Variants in TTN observed in about 807,000 individuals in gnomAD.
The protein encoded by TTN is connectin.
Under a neutral mutation model 3,223.0 loss-of-function variants are expected in TTN, and 1,525 were observed. The observed-to-expected ratio is 0.47, with a 90% CI of 0.45 to 0.49. The LOEUF is 0.49. Among genes scored for constraint, TTN ranks in the 20% least tolerant of loss-of-function variants. The pLI is 0.00. For missense variants in TTN, 40,786 were observed against 43,424.0 expected, an observed-to-expected ratio of 0.94 and a Z score of 5.40; for synonymous variants, 14,094 against 15,161.0, an observed-to-expected ratio of 0.93 and a Z score of 5.17.
chr2:178,622,813 TTACTC>T, intron 242 of TTN, 46 bp from the exon 243 acceptor site: 1 of 1,414,438 alleles, frequency 7.1e-7, no homozygotes, highest in South Asian at 1.2e-5. Context: ...TTCTGGAAAT[TTACTC>T]TGACATTACC....
Position 178,750,888 on chromosome 2 carries a change from G to A in TTN, c.11311+2236C>T, listed in dbSNP as rs756000739. 3.1e-6 allele frequency: 5 copies of A among 1,612,842 alleles called. No homozygotes were observed. The highest frequency in any genetic ancestry group is 1.7e-4 in the Middle Eastern group (1 of 6,054). The stretch of plus-strand genomic sequence containing the variant: ...GTATTGGCCATAATTTCTTCCAGCT[G>A]TCCTCTTGCTTGGGTATTTTCATTT... On this transcript the variant is annotated intron_variant, in intron 47 of 362. Coordinates refer to ENST00000589042, the MANE Select transcript of TTN (RefSeq NM_001267550.2).
In TTN at chr2:178,693,678, G is replaced by A; in HGVS notation, c.31525C>T (p.Gln10509Ter). 1 of 1,596,792 alleles carries A rather than the reference G, an allele frequency of 6.3e-7. No homozygotes were observed. The highest frequency in any genetic ancestry group is 1.1e-5 in the South Asian group (1 of 88,338). The change falls in exon 119 of 363, where the codon CAA becomes TAA. Residue 10509 changes from glutamine (Q) to a stop codon, truncating the protein, a stop_gained. Coordinates refer to ENST00000589042, the MANE Select transcript of TTN (RefSeq NM_001267550.2). LOFTEE classifies it high-confidence loss of function. The part of the protein sequence containing the change: ...EEVSVTVPEV[Q>*]KEIVTEEKIH... ...TTCTCTTCAGTAACAATTTCCTTTT[G>A]TACCTCGGGGACTTAAAAAAATGTA...
chr2:178,647,747 C>G (rs2062245411), intron 213 of TTN, among the ~76,000 whole-genome samples: 1 of 152,128 alleles, frequency 6.6e-6, no homozygotes, highest in Admixed American at 6.6e-5. Context: ...CCTGCACACT[C>G]AATTCTTATT....
chr2:178,537,616 A>G lies in TTN; in HGVS notation c.99591T>C (p.His33197=), dbSNP rs1261320282. 1.2e-6 allele frequency: 2 copies of G among 1,613,690 alleles called. No homozygotes were observed. Among genetic ancestry groups the G allele is most frequent in the Non-Finnish European group, 1.7e-6 (2 of 1,179,684 alleles). Residue 33197 remains histidine (H), a synonymous_variant, in exon 355 of 363, where the codon CAT becomes CAC. Coordinates refer to ENST00000589042, the MANE Select transcript of TTN (RefSeq NM_001267550.2). The part of the protein sequence containing the change: ...KLLLQATPQF[H]PGYPLKEKYY... ...ATTTCTCTTTCAGTGGGTAACCAGG[A>G]TGGAACTGCGGTGTTGCTTGCAGGA...
Position 178,599,534 on chromosome 2 carries a change from C to T in TTN, c.56347+20G>A, listed in dbSNP as rs1458807402. The stretch of plus-strand genomic sequence containing the variant: ...TGAACAGAAAAACAAGTAATTTTAA[C>T]CAAACCATGCAGTCTTTACCCAGGA... On this transcript the variant is annotated intron_variant, in intron 289 of 362. Coordinates refer to ENST00000589042, the MANE Select transcript of TTN (RefSeq NM_001267550.2). 9 of 1,525,526 alleles carry T rather than the reference C, an allele frequency of 5.9e-6. No homozygotes were observed. Among genetic ancestry groups the T allele is most frequent in the African/African-American group, 1.4e-5 (1 of 71,632 alleles). The allele number at this position is 1,525,526 out of a possible 1,614,324, so 94.5% of individuals were successfully genotyped here.
chr2:178,789,860 T>C, intron 12 of TTN, 118 bp downstream of exon 12: 7 of 1,359,062 alleles, frequency 5.2e-6, no homozygotes, highest in Non-Finnish European at 7.2e-6. Context: ...CATTTTGTTT[T>C]TAGTTAGGGA....
At chr2:178,712,653 T>C (rs2076830625) in intron 94 of TTN, 44 bp downstream of exon 94, 2 of 1,606,670 alleles carry the variant, frequency 1.2e-6, no homozygotes, top group Non-Finnish European at 1.7e-6. Flanking sequence ...CAAAGACACA[T>C]CTAATTACTA....
chr2:178,762,633 CT>C (rs2154338819), intron 43 of TTN, among the ~76,000 whole-genome samples: 1 of 152,198 alleles, frequency 6.6e-6, no homozygotes, highest in East Asian at 1.9e-4. Flanking sequence ...TTTAGTGTAG[CT>C]TTAATGAACT....
intron 198 of TTN, 30 bp downstream of exon 198, chr2:178,653,206 ATC>A: frequency 6.2e-7 from 1 of 1,607,108 alleles, no homozygotes; most frequent in South Asian, 1.1e-5. Flanking sequence ...AAAGAATTAG[ATC>A]ATCTGAAGCC....
chr2:178,577,998 C>T lies in TTN; in HGVS notation c.68517G>A (p.Leu22839=). 1 of 1,612,666 alleles carries T rather than the reference C, an allele frequency of 6.2e-7. No homozygotes were observed. The highest frequency in any genetic ancestry group is 1.1e-5 in the South Asian group (1 of 90,860). ...PSLPSEPVVA[L]DPIDPPGKPE... The stretch of plus-strand genomic sequence containing the variant: ...CATATAATGACTTACCAATTGGGTC[C>T]AGTGCCACAACAGGCTCTGATGGTA... Residue 22839 remains leucine, a synonymous_variant, in exon 322 of 363, where the codon CTG becomes CTA. Coordinates refer to ENST00000589042, the MANE Select transcript of TTN (RefSeq NM_001267550.2).
In TTN at chr2:178,632,766, G is replaced by C. The variant is rs2059958801; in HGVS notation, c.43240C>G (p.Leu14414Val). 3.1e-6 allele frequency: 5 copies of C among 1,613,018 alleles called. No individual in the cohort carries two copies. The highest frequency in any genetic ancestry group is 2.5e-6 in the Non-Finnish European group (3 of 1,179,516). ...KELPLIFITP[L>V]SDVKVFEKDE... is the part of the protein sequence containing the mutation. ...TTCTCGAAGACTTTAACATCACTGAGAGGTGTGATGAAGATAAGAGGCAAT... is the reference window on the plus strand; with the variant it reads ...TTCTCGAAGACTTTAACATCACTGACAGGTGTGATGAAGATAAGAGGCAAT... Residue 14414 changes from leucine to valine, a missense_variant, in exon 235 of 363, where the codon CTC becomes GTC. By Grantham distance (32) the Leu-to-Val change is conservative. Transcript: ENST00000589042.
At chr2:178,745,325 G>T (rs2083286707) in intron 47 of TTN, 1 of 1,316,770 alleles carries the variant, frequency 7.6e-7, no homozygotes, top group Non-Finnish European at 9.7e-7. Context: ...CAATTAGGTA[G>T]CCAAGGAGAG....
Position 178,611,381 on chromosome 2 carries a change from C to T in TTN, c.50848G>A (p.Asp16950Asn). 3.1e-6 allele frequency: 5 copies of T among 1,612,740 alleles called. No individual in the cohort carries two copies. The South Asian group carries it at 5.5e-5, about 18-fold the overall frequency. Reference protein sequence around the residue: ...SEISENVVAKDPDCKPTIDLE... With the variant: ...SEISENVVAKNPDCKPTIDLE... ...GACCTTGTGCTCTTACAGTCTGGGT[C>T]TTTGGCAACCACATTTTCAGAGATT... The change falls in exon 269 of 363, where the codon GAC (aspartate) becomes AAC (asparagine). Residue 16950 changes from aspartate to asparagine, a missense_variant. Transcript: ENST00000589042.
chr2:178,563,710 T>C lies in TTN; in HGVS notation c.82422A>G (p.Ser27474=), dbSNP rs886042182. 2 of 1,613,684 alleles carry C rather than the reference T, an allele frequency of 1.2e-6. No homozygotes were observed. The highest frequency in any genetic ancestry group is 1.7e-6 in the Non-Finnish European group (2 of 1,179,738). The change falls in exon 326 of 363, where the codon TCA becomes TCG. Residue 27474 remains serine, a synonymous_variant. Coordinates refer to ENST00000589042, the MANE Select transcript of TTN (RefSeq NM_001267550.2). This position sits in a 1 kb window ranked among gnomAD's most constrained non-coding sequence, Gnocchi z 4.5. The part of the protein sequence containing the change: ...CNPYKPPGPP[S]TPEVSAITKD... ...TGGTGATTGCTGAGACTTCAGGTGT[T>C]GAGGGAGGACCTGGTGGCTTATAAG...
chr2:178,750,857 A>G lies in TTN; in HGVS notation c.11311+2267T>C, dbSNP rs755282757. ...AGTGATATATGTGGATGACTCTCCA[A>G]TTGTAGTATTGGCCATAATTTCTTC... On this transcript the variant is annotated intron_variant, in intron 47 of 362. Transcript: ENST00000589042. 4.3e-6 allele frequency: 7 copies of G among 1,612,976 alleles called. No homozygotes were observed. In the African/African-American group the frequency reaches 5.3e-5, roughly 12 times the overall value.
intron 241 of TTN, 91 bp from the exon 242 acceptor site, chr2:178,624,822 T>C: frequency 6.9e-7 from 1 of 1,447,642 alleles, no homozygotes. Context: ...TCTCCAGGGC[T>C]TTGTTCTGTC....
intron 127 of TTN, among the ~76,000 whole-genome samples, chr2:178,686,312 G>A (rs1431335712): frequency 2.0e-5 from 3 of 150,222 alleles, no homozygotes; most frequent in Non-Finnish European, 3.0e-5. Flanking sequence ...AGTAGAGACG[G>A]GGTTTCACCG....
In TTN at chr2:178,528,924, A is replaced by C. The variant is rs727504540; in HGVS notation, c.106827T>G (p.Ile35609Met). ...TGCTCATCTGAGTAGAAAATGCTTTAATCTCAGCATGAGTTCTGACTTCTT... is the reference window on the plus strand; with the variant it reads ...TGCTCATCTGAGTAGAAAATGCTTTCATCTCAGCATGAGTTCTGACTTCTT... ...ASEEVRTHAEIKAFSTQMSIN... is the reference protein window; with the variant it reads ...ASEEVRTHAEMKAFSTQMSIN... Residue 35609 changes from isoleucine to methionine, a missense_variant, in exon 360 of 363, where the codon ATT (isoleucine) becomes ATG (methionine). Transcript: ENST00000589042. 106 of 1,613,876 alleles carry C rather than the reference A, an allele frequency of 6.6e-5. No individual in the cohort carries two copies. The Admixed American group carries it at 1.5e-3, about 24-fold the overall frequency.
chr2:178,531,875 T>G lies in TTN; in HGVS notation c.104740A>C (p.Met34914Leu), dbSNP rs1348797485. 1 of 1,613,336 alleles carries G rather than the reference T, an allele frequency of 6.2e-7. No homozygotes were observed. Among genetic ancestry groups the G allele is most frequent in the Admixed American group, 1.7e-5 (1 of 59,864 alleles). Residue 34914 changes from methionine (M) to leucine (L), a missense_variant, in exon 358 of 363, where the codon ATG becomes CTG. Transcript: ENST00000589042. ...TTCTGAGTTTTTAAAGCAGCTTTCA[T>G]GGACTCATACCTGGAAAAGATATCA... ...RFDIFSRYES[M>L]KAALKTQKTS... is the part of the protein sequence containing the mutation.
Sources: allele counts gnomAD v4.1 joint callset (sites outside exome capture counted in the v4.1 genomes callset), GRCh38; gene constraint gnomAD v4.1.1; non-coding constraint Gnocchi (gnomAD v3.1); transcripts MANE v1.5; gene names NCBI Gene and HGNC (gene_info 2026-07-23, HGNC 2026-07-21).